KAZN: variants seen among roughly 807,000 people sequenced by gnomAD.
The protein encoded by KAZN is kazrin.
In KAZN, 40 loss-of-function variants were observed where a neutral mutation model predicts 87.4. The ratio of observed to expected loss-of-function variants is 0.46; its 90% CI spans 0.36 to 0.60. The LOEUF (loss-of-function observed/expected upper bound fraction) is 0.60. Ranked by LOEUF, KAZN falls within the 20% of genes least tolerant of loss-of-function variation. KAZN has a pLI of 0.00. For synonymous variants in KAZN, 466 were observed against 458.3 expected (o/e 1.02, Z -0.22); for missense variants, 898 against 1,073.9 (o/e 0.84, Z 2.29).
At chr1:14,962,948 A>G (rs1045426298) in intron 2 of KAZN, among the ~76,000 whole-genome samples, 56 of 152,126 alleles carry the variant, frequency 3.7e-4, no homozygotes, top group African/African-American at 1.3e-3. Flanking sequence ...TGTACAACCT[A>G]GCCTCTCCAT....
chr1:14,525,709 G>C (rs1671826435), intron 2 of KAZN, among the ~76,000 whole-genome samples: 1 of 152,150 alleles, frequency 6.6e-6, no homozygotes, highest in Non-Finnish European at 1.5e-5. Flanking sequence ...ATGTTGTTTG[G>C]CTTACCAGAT....
intron 2 of KAZN, among the ~76,000 whole-genome samples, chr1:14,330,092 A>G (rs1487923574): frequency 2.0e-5 from 3 of 152,152 alleles, no homozygotes; most frequent in Non-Finnish European, 4.4e-5. Context: ...CTGTTAGAGT[A>G]GCACTTCTGC....
chr1:13,976,792 G>C (rs1366481685), intron 1 of KAZN, among the ~76,000 whole-genome samples: 1 of 152,088 alleles, frequency 6.6e-6, no homozygotes, highest in African/African-American at 2.4e-5. Flanking sequence ...TGGCAGCACT[G>C]TGTGTTTTTT....
At chr1:13,949,671 T>C (rs1163076080) in intron 1 of KAZN, among the ~76,000 whole-genome samples, 1 of 152,138 alleles carries the variant, frequency 6.6e-6, no homozygotes, top group African/African-American at 2.4e-5. Context: ...CAAAAAGGTC[T>C]CCTATTATCC....
intron 1 of KAZN, among the ~76,000 whole-genome samples, chr1:14,619,175 A>G (rs1219418574): frequency 1.3e-5 from 2 of 151,822 alleles, no homozygotes; most frequent in Non-Finnish European, 2.9e-5. Context: ...CTCCATGCAC[A>G]ATGAAAAAGG....
In KAZN at chr1:14,532,626, C is replaced by T. The variant is rs866182671; in HGVS notation, c.250-66357C>T. 1.0e-4 allele frequency among the ~76,000 whole-genome samples: 11 copies of T among 110,232 alleles called. 1 individual carries two copies. The South Asian group carries it at 4.0e-3, about 40-fold the overall frequency. 72.3% of individuals were successfully genotyped at this position (110,232 alleles called of 152,430 possible). A position where few individuals can be genotyped will look rare whatever the true frequency, so the allele number is the denominator to read the frequency against. On this transcript the variant is annotated intron_variant, in intron 2 of 16. Transcript: ENST00000636203. ...TAATGCTATCCCTCCCCCCTCCCCC[C>T]ACCCCACAACAGTCCCTAGAGTGTA...
intron 1 of KAZN, among the ~76,000 whole-genome samples, chr1:14,894,124 A>G (rs979784033): frequency 1.3e-5 from 2 of 151,956 alleles, no homozygotes; most frequent in Non-Finnish European, 2.9e-5. Context: ...TCTAATTGCA[A>G]ACCTCCTGCC....
At chr1:14,886,887 CGTT>C (rs1167664139) in intron 1 of KAZN, among the ~76,000 whole-genome samples, 5 of 152,186 alleles carry the variant, frequency 3.3e-5, no homozygotes, top group Admixed American at 6.5e-5. Flanking sequence ...TTTATTTAGT[CGTT>C]AAGAGCTCCA....
chr1:14,300,680 C>T (rs1216014057), intron 2 of KAZN, among the ~76,000 whole-genome samples: 1 of 152,182 alleles, frequency 6.6e-6, no homozygotes, highest in African/African-American at 2.4e-5. Flanking sequence ...AATGGCCTGA[C>T]TGAGATAGTG....
At chr1:14,119,636 T>C (rs922429395) in intron 1 of KAZN, among the ~76,000 whole-genome samples, 18 of 152,156 alleles carry the variant, frequency 1.2e-4, no homozygotes, top group African/African-American at 4.3e-4. Flanking sequence ...ATTAGATGGA[T>C]TAACTCTTTA....
At chr1:14,764,819 T>G (rs908617290) in intron 1 of KAZN, among the ~76,000 whole-genome samples, 4 of 152,170 alleles carry the variant, frequency 2.6e-5, no homozygotes, top group Non-Finnish European at 5.9e-5. Context: ...TGAGTGCCTA[T>G]CCTATGCCAG....
chr1:14,808,820 T>G (rs1383738621), intron 1 of KAZN, among the ~76,000 whole-genome samples: 1 of 152,164 alleles, frequency 6.6e-6, no homozygotes, highest in Admixed American at 6.5e-5. Flanking sequence ...TCAGAGTTGG[T>G]TTAGGGCTCA....
chr1:14,944,405 C>T (rs942904795), intron 1 of KAZN, among the ~76,000 whole-genome samples: 26 of 152,140 alleles, frequency 1.7e-4, no homozygotes, highest in Admixed American at 1.4e-3. Context: ...TGTGGGGGCC[C>T]CCGTTGGTGT....
At chr1:14,551,723 C>T (rs186306243) in intron 2 of KAZN, among the ~76,000 whole-genome samples, 368 of 152,284 alleles carry the variant, frequency 2.4e-3, no homozygotes, top group African/African-American at 7.6e-3. Flanking sequence ...GCCTCCCAAC[C>T]TGGTCCCCAT....
intron 1 of KAZN, among the ~76,000 whole-genome samples, chr1:14,703,735 C>T (rs1387486567): frequency 1.3e-5 from 2 of 152,062 alleles, no homozygotes; most frequent in Non-Finnish European, 2.9e-5. Flanking sequence ...TAAAAATTAG[C>T]CAGGCATGGT....
At chr1:13,963,068 G>C (rs760345031) in intron 1 of KAZN, among the ~76,000 whole-genome samples, 6 of 152,018 alleles carry the variant, frequency 3.9e-5, no homozygotes, top group African/African-American at 1.2e-4. Flanking sequence ...ACTTTATCTT[G>C]GTGTCAACAA....
At chr1:14,643,418 G>A (rs1320341300) in intron 1 of KAZN, among the ~76,000 whole-genome samples, 1 of 152,106 alleles carries the variant, frequency 6.6e-6, no homozygotes, top group Non-Finnish European at 1.5e-5. Context: ...GAGAACATGT[G>A]GTATTCAGTT....
At chr1:14,253,266 C>A (rs1335846548) in intron 2 of KAZN, among the ~76,000 whole-genome samples, 1 of 152,114 alleles carries the variant, frequency 6.6e-6, no homozygotes, top group Non-Finnish European at 1.5e-5. Flanking sequence ...TAGTTATTCC[C>A]AAGTCCCATA....
intron 1 of KAZN, among the ~76,000 whole-genome samples, chr1:14,825,376 C>G (rs1015298838): frequency 5.9e-5 from 9 of 152,210 alleles, no homozygotes; most frequent in African/African-American, 2.2e-4. Context: ...TTTTATCTTT[C>G]TCGCTCTTTT....
Sources: gnomAD v4.1 joint callset for allele counts (sites outside exome capture counted in the v4.1 genomes callset) on GRCh38, gnomAD v4.1.1 for gene constraint, MANE v1.5 for transcripts, NCBI Gene and HGNC (gene_info 2026-07-23, HGNC 2026-07-21) for gene names.